Variants in SETBP1 observed in about 807,000 individuals in gnomAD.
SETBP1 encodes the protein SET-binding protein.
A neutral mutation model predicts 101.0 loss-of-function variants in SETBP1; 9 were observed. The observed-to-expected ratio is 0.09, with a 90% CI of 0.05 to 0.16. The LOEUF is 0.16. SETBP1 is among the 10% of genes least tolerant of loss of function. SETBP1 has a pLI of 1.00. For missense variants in SETBP1, 1,858 were observed against 2,033.8 expected (o/e 0.91, Z 1.66); for synonymous variants, 818 against 788.5 (o/e 1.04, Z -0.63).
chr18:44,881,941 G>A (rs956789452), intron 3 of SETBP1, among the ~76,000 whole-genome samples: 7 of 152,198 alleles, frequency 4.6e-5, no homozygotes, highest in Non-Finnish European at 8.8e-5. Context: ...GCATGTTGGA[G>A]TGTCGGACGG....
chr18:44,998,769 C>T (rs556652799), intron 4 of SETBP1, among the ~76,000 whole-genome samples: 2 of 152,292 alleles, frequency 1.3e-5, no homozygotes, highest in Non-Finnish European at 2.9e-5. Flanking sequence ...ATGGTGTACC[C>T]ACCTACAGTA....
At chr18:44,681,824 T>A (rs560156498) in intron 1 of SETBP1, among the ~76,000 whole-genome samples, 2 of 152,092 alleles carry the variant, frequency 1.3e-5, no homozygotes, top group Non-Finnish European at 2.9e-5. Flanking sequence ...GTCCTGATAA[T>A]CTCACGGTTG....
intron 3 of SETBP1, among the ~76,000 whole-genome samples, chr18:44,881,280 C>G (rs1193058138): frequency 6.6e-6 from 1 of 152,096 alleles, no homozygotes; most frequent in East Asian, 1.9e-4. Context: ...CTTGATTCAC[C>G]CACCTCAAAC....
intron 2 of SETBP1, among the ~76,000 whole-genome samples, chr18:44,790,425 A>G (rs2071346100): frequency 6.6e-6 from 1 of 152,352 alleles, no homozygotes; most frequent in South Asian, 2.1e-4. Flanking sequence ...ATAATCATAC[A>G]TTAATTTTCT....
chr18:44,714,917 C>G (rs554064449), intron 2 of SETBP1, among the ~76,000 whole-genome samples: 1 of 152,110 alleles, frequency 6.6e-6, no homozygotes, highest in Non-Finnish European at 1.5e-5. Context: ...GCTGTTCCTT[C>G]TTTTGGGTTT....
intron 1 of SETBP1, among the ~76,000 whole-genome samples, chr18:44,687,271 C>G (rs2066723461): frequency 6.6e-6 from 1 of 152,170 alleles, no homozygotes; most frequent in Non-Finnish European, 1.5e-5. Flanking sequence ...AGTGTCCCTT[C>G]TAAAATTCTG....
intron 1 of SETBP1, among the ~76,000 whole-genome samples, chr18:44,693,333 C>T (rs950240922): frequency 6.6e-6 from 1 of 152,156 alleles, no homozygotes; most frequent in Non-Finnish European, 1.5e-5. Context: ...TCTTACCCTT[C>T]AAGGGCTTAT....
chr18:44,723,681 G>A (rs1412950724), intron 2 of SETBP1, among the ~76,000 whole-genome samples: 3 of 152,160 alleles, frequency 2.0e-5, no homozygotes, highest in South Asian at 2.1e-4. Context: ...AACCTACCAC[G>A]CCTTTGCCCA....
At chr18:44,766,382 T>C (rs1346756874) in intron 2 of SETBP1, among the ~76,000 whole-genome samples, 1 of 152,144 alleles carries the variant, frequency 6.6e-6, no homozygotes, top group Non-Finnish European at 1.5e-5. Flanking sequence ...AGGAAGGAAA[T>C]TTGAATGCAT....
intron 2 of SETBP1, among the ~76,000 whole-genome samples, chr18:44,756,745 C>T (rs1463034406): frequency 6.6e-6 from 1 of 152,040 alleles, no homozygotes; most frequent in Non-Finnish European, 1.5e-5. Context: ...ATCTTTTTTC[C>T]ATATAAACCT....
intron 4 of SETBP1, among the ~76,000 whole-genome samples, chr18:45,001,162 T>A (rs1176719975): frequency 6.6e-6 from 1 of 152,158 alleles, no homozygotes; most frequent in Non-Finnish European, 1.5e-5. Context: ...AATTGCAGCA[T>A]GAATTGGGAC....
intron 4 of SETBP1, among the ~76,000 whole-genome samples, chr18:44,992,033 G>A (rs1048760691): frequency 6.6e-6 from 1 of 152,038 alleles, no homozygotes; most frequent in Admixed American, 6.5e-5. Flanking sequence ...TTTAATTCAT[G>A]GGTCAAAAAA....
At chr18:44,694,232 A>C (rs1363221048) in intron 1 of SETBP1, among the ~76,000 whole-genome samples, 1 of 152,168 alleles carries the variant, frequency 6.6e-6, no homozygotes. Context: ...AAACACTCCC[A>C]CCATGGCTGA....
intron 2 of SETBP1, among the ~76,000 whole-genome samples, chr18:44,724,670 A>G (rs929609090): frequency 2.0e-5 from 3 of 152,048 alleles, no homozygotes; most frequent in Admixed American, 6.6e-5. Context: ...GGCTGGGAGG[A>G]TGAGAAGGTA....
At chr18:44,928,272 T>C (rs1006637291) in intron 3 of SETBP1, among the ~76,000 whole-genome samples, 2 of 152,254 alleles carry the variant, frequency 1.3e-5, no homozygotes, top group African/African-American at 2.4e-5. Flanking sequence ...TTCTTTTTTA[T>C]GGCTGTATAG....
intron 2 of SETBP1, among the ~76,000 whole-genome samples, chr18:44,797,522 C>G (rs534799643): frequency 2.0e-5 from 3 of 152,276 alleles, no homozygotes; most frequent in African/African-American, 7.2e-5. Flanking sequence ...CTGTCCCTAC[C>G]CCTGGTGTAG....
chr18:44,699,975 G>T (rs995831671), intron 1 of SETBP1, among the ~76,000 whole-genome samples: 1 of 152,136 alleles, frequency 6.6e-6, no homozygotes, highest in Non-Finnish European at 1.5e-5. Flanking sequence ...GGGCTCAGAG[G>T]TAGAAACCTA....
At chr18:44,985,957 A>T (rs932393918) in intron 4 of SETBP1, among the ~76,000 whole-genome samples, 8 of 152,176 alleles carry the variant, frequency 5.3e-5, no homozygotes, top group African/African-American at 1.9e-4. Context: ...AAGAGCAACC[A>T]ATTTATAGAT....
intron 2 of SETBP1, among the ~76,000 whole-genome samples, chr18:44,800,031 AAATCATTC>A (rs2071571158): frequency 6.6e-6 from 1 of 152,158 alleles, no homozygotes; most frequent in African/African-American, 2.4e-5. Flanking sequence ...CATGACTGAC[AAATCATTC>A]CCTACCAGAG....
Sources: allele counts gnomAD v4.1 joint callset (sites outside exome capture counted in the v4.1 genomes callset), GRCh38; gene constraint gnomAD v4.1.1; transcripts MANE v1.5; gene names NCBI Gene and HGNC (gene_info 2026-07-23, HGNC 2026-07-21).